The following FRY variants were observed in gnomAD, a reference collection of about 807,000 sequenced individuals.
The protein encoded by FRY is protein furry homolog.
In FRY, 128 loss-of-function variants were observed where a neutral mutation model predicts 348.4. The ratio of observed to expected loss-of-function variants is 0.37; its 90% CI spans 0.32 to 0.43. The LOEUF is 0.43. Among genes scored for constraint, FRY ranks in the 20% least tolerant of loss-of-function variants. The probability of loss-of-function intolerance (pLI) is 1.00; values close to 1 mark genes in which losing one functional copy is unlikely to be tolerated. For synonymous variants in FRY, 1,370 were observed against 1,374.7 expected (o/e 1.00, Z 0.08); for missense variants, 2,736 against 3,695.2 (o/e 0.74, Z 6.73).
chr13:32,251,583 C>T (rs1887085408), intron 49 of FRY, among the ~76,000 whole-genome samples: 1 of 151,674 alleles, frequency 6.6e-6, no homozygotes, highest in Admixed American at 6.6e-5. Context: ...ATAATGTGAG[C>T]TTCATTTTAC....
intron 1 of FRY, among the ~76,000 whole-genome samples, chr13:32,075,919 G>T (rs1485705992): frequency 6.6e-6 from 1 of 152,196 alleles, no homozygotes; most frequent in Non-Finnish European, 1.5e-5. Context: ...GCTGGGCTAG[G>T]ATAGTTCCAG....
rs1376039001 is a variant in FRY at position 32,261,827 on chromosome 13, G to T, written c.7617+11G>T. The T allele has an allele frequency of 1.9e-5, 30 of 1,612,058 alleles. No homozygotes were observed. Among genetic ancestry groups the T allele is most frequent in the Non-Finnish European group, 2.4e-5 (28 of 1,178,274 alleles). ...GAGCACTCAGACCTAGTAAGTAGCG[G>T]CTCTCCCACTCTAAGAATTGGGAGG... On this transcript the variant is annotated intron_variant, in intron 52 of 60. Transcript: ENST00000542859.
Position 32,031,792 on chromosome 13 carries a change from A to T in FRY, c.-4A>T. 1 of 1,600,464 alleles carries T rather than the reference A, an allele frequency of 6.2e-7. No individual in the cohort carries two copies. The highest frequency in any genetic ancestry group is 8.6e-7 in the Non-Finnish European group (1 of 1,169,050). On this transcript the variant is annotated 5_prime_UTR_variant, in exon 1 of 61. Transcript: ENST00000542859. ...TCCTCCCAGCCTCTTTGTATGCCGCAGACATGGCCAGCCAGCAGGATTCGG... is the reference window on the plus strand; with the variant it reads ...TCCTCCCAGCCTCTTTGTATGCCGCTGACATGGCCAGCCAGCAGGATTCGG...
chr13:32,181,575 CAAAAA>C (rs35272711), intron 23 of FRY, among the ~76,000 whole-genome samples: 5 of 59,034 alleles, frequency 8.5e-5, no homozygotes, highest in African/African-American at 2.2e-4. Context: ...ACTCCGTCAC[CAAAAA>C]AAAAAAAAAA....
intron 47 of FRY, 85 bp from the exon 48 acceptor site, chr13:32,247,238 C>G: frequency 8.9e-7 from 1 of 1,120,750 alleles, no homozygotes; most frequent in Non-Finnish European, 1.3e-6. Flanking sequence ...TGACTGGTCA[C>G]TAGCTTCTCA....
At position 32,237,062 on chromosome 13, in the gene FRY, G is replaced by A. The variant is rs997719642; in HGVS notation, c.5811-317G>A. ...AGAATATTGAAGCTTATACCTATCA[G>A]GTACATTTTATTTCATAATTACTCC... On this transcript the variant is annotated intron_variant, in intron 43 of 60. Coordinates refer to ENST00000542859, the MANE Select transcript of FRY (RefSeq NM_023037.3). This position sits in a 1 kb window ranked among gnomAD's most constrained non-coding sequence, Gnocchi z 6.3. Among the ~76,000 whole-genome samples the A allele has an allele frequency of 2.0e-5, 3 of 152,026 alleles. No homozygotes were observed. In the East Asian group the frequency reaches 5.8e-4, roughly 29 times the overall value.
intron 1 of FRY, among the ~76,000 whole-genome samples, chr13:32,032,710 C>T (rs946243974): frequency 4.6e-5 from 7 of 152,106 alleles, no homozygotes; most frequent in East Asian, 1.9e-4. Flanking sequence ...TTGTATTTTC[C>T]GAACTGTTTA....
intron 1 of FRY, among the ~76,000 whole-genome samples, chr13:32,059,510 TA>T (rs1189232949): frequency 6.8e-6 from 1 of 148,016 alleles, no homozygotes; most frequent in African/African-American, 2.5e-5. Flanking sequence ...ACTAATGAGA[TA>T]GTGAAGCAGA....
At chr13:32,113,164 T>C (rs143533820) in intron 3 of FRY, among the ~76,000 whole-genome samples, 13 of 152,368 alleles carry the variant, frequency 8.5e-5, no homozygotes, top group African/African-American at 2.9e-4. Context: ...AATTAAGATA[T>C]CAGCATTTTA....
chr13:32,101,045 T>A (rs1384157000), intron 2 of FRY, among the ~76,000 whole-genome samples: 3 of 152,192 alleles, frequency 2.0e-5, no homozygotes, highest in Non-Finnish European at 4.4e-5. Context: ...TGCTATACAG[T>A]AGCTCTCCAG....
At chr13:32,238,774 G>T (rs1400049795) in intron 44 of FRY, among the ~76,000 whole-genome samples, 1 of 152,150 alleles carries the variant, frequency 6.6e-6, no homozygotes. Context: ...TTAATGCCAT[G>T]GCATGTGACC....
chr13:32,109,383 G>A (rs1005534465), intron 3 of FRY, among the ~76,000 whole-genome samples: 4 of 152,168 alleles, frequency 2.6e-5, no homozygotes, highest in African/African-American at 4.8e-5. Flanking sequence ...CAATGTAAAC[G>A]CTATAATAGA....
At chr13:32,231,349 T>A in intron 41 of FRY, 49 bp downstream of exon 41, 1 of 1,584,922 alleles carries the variant, frequency 6.3e-7, no homozygotes, top group South Asian at 1.1e-5. Flanking sequence ...TGTTCTGTAA[T>A]GGACACTGTC....
chr13:32,137,373 C>T (rs1879787234), intron 11 of FRY, among the ~76,000 whole-genome samples: 1 of 152,172 alleles, frequency 6.6e-6, no homozygotes, highest in Admixed American at 6.5e-5. Context: ...CCCCTCCAGT[C>T]TAGAAGAATG....
chr13:32,059,677 C>T (rs1325666367), intron 1 of FRY, among the ~76,000 whole-genome samples: 2 of 23,642 alleles, frequency 8.5e-5, no homozygotes, highest in Non-Finnish European at 9.4e-5. Context: ...GGTATTTCAT[C>T]CCCTCACACC....
At chr13:32,035,902 T>G (rs1355069938) in intron 1 of FRY, among the ~76,000 whole-genome samples, 1 of 152,212 alleles carries the variant, frequency 6.6e-6, no homozygotes, top group Non-Finnish European at 1.5e-5. Flanking sequence ...CTTAGGAGCA[T>G]CAGATTCAGC....
intron 20 of FRY, among the ~76,000 whole-genome samples, chr13:32,177,917 C>T (rs1195836781): frequency 6.6e-6 from 1 of 152,154 alleles, no homozygotes; most frequent in Admixed American, 6.5e-5. Context: ...ATGCACAGTG[C>T]TCTGTGGCAA....
chr13:32,188,774 T>C (rs1883169933), intron 28 of FRY, among the ~76,000 whole-genome samples: 1 of 152,178 alleles, frequency 6.6e-6, no homozygotes, highest in Non-Finnish European at 1.5e-5. Flanking sequence ...TTATATCTCC[T>C]GTTACAATTC....
chr13:32,071,627 G>A (rs889614876), intron 1 of FRY, among the ~76,000 whole-genome samples: 1 of 152,098 alleles, frequency 6.6e-6, no homozygotes, highest in African/African-American at 2.4e-5. Flanking sequence ...AGATGATGGG[G>A]TTTTCTAAAT....
Sources: allele counts gnomAD v4.1 joint callset (sites outside exome capture counted in the v4.1 genomes callset), GRCh38; gene constraint gnomAD v4.1.1; non-coding constraint Gnocchi (gnomAD v3.1); transcripts MANE v1.5; gene names NCBI Gene and HGNC (gene_info 2026-07-23, HGNC 2026-07-21).